Variants in KIF13B observed in about 807,000 individuals in gnomAD.
KIF13B encodes kinesin family member 13B.
Under a neutral mutation model 222.0 loss-of-function variants are expected in KIF13B, and 127 were observed. That is an observed-to-expected ratio of 0.57 (90% CI 0.50 to 0.66). KIF13B has a LOEUF of 0.66. Ranked by LOEUF, KIF13B falls within the 30% of genes least tolerant of loss-of-function variation. The pLI, the probability that KIF13B is intolerant of heterozygous loss-of-function variation, is 0.00. For synonymous variants in KIF13B, 976 were observed against 919.0 expected (o/e 1.06, Z -1.12); for missense variants, 2,173 against 2,379.0 (o/e 0.91, Z 1.80).
intron 37 of KIF13B, among the ~76,000 whole-genome samples, chr8:29,080,196 G>A (rs1807738354): frequency 6.6e-6 from 1 of 151,840 alleles, no homozygotes; most frequent in Non-Finnish European, 1.5e-5. Flanking sequence ...AAATTAGCTG[G>A]GCGTGGTGGT....
At chr8:29,084,461 T>C (rs980915357) in intron 37 of KIF13B, among the ~76,000 whole-genome samples, 1 of 152,206 alleles carries the variant, frequency 6.6e-6, no homozygotes, top group Non-Finnish European at 1.5e-5. Flanking sequence ...GTGCTCTTTC[T>C]ACACAAGCCT....
At chr8:29,074,333 C>G (rs1807454123) in intron 38 of KIF13B, among the ~76,000 whole-genome samples, 1 of 152,236 alleles carries the variant, frequency 6.6e-6, no homozygotes, top group Non-Finnish European at 1.5e-5. Context: ...GGGGGCAGAG[C>G]TGCAGAGTCA....
chr8:29,086,962 C>T (rs1808071611), intron 37 of KIF13B, among the ~76,000 whole-genome samples: 1 of 152,184 alleles, frequency 6.6e-6, no homozygotes, highest in South Asian at 2.1e-4. Context: ...GTTCCGGGTA[C>T]TTGTGTATTT....
chr8:29,074,409 G>A (rs1004740226), intron 38 of KIF13B, among the ~76,000 whole-genome samples: 7 of 152,248 alleles, frequency 4.6e-5, no homozygotes, highest in Non-Finnish European at 8.8e-5. Context: ...CCACTTGACT[G>A]GAGTTGATTT....
chr8:29,100,546 C>T (rs1406156817), intron 35 of KIF13B, among the ~76,000 whole-genome samples: 1 of 152,000 alleles, frequency 6.6e-6, no homozygotes, highest in African/African-American at 2.4e-5. Context: ...TGGGTTCAAG[C>T]GATTCTCCTG....
chr8:29,124,114 A>C lies in KIF13B; in HGVS notation c.3262T>G (p.Leu1088Val). 1 of 1,606,050 alleles carries C rather than the reference A, an allele frequency of 6.2e-7. No homozygotes were observed. The highest frequency in any genetic ancestry group is 8.5e-7 in the Non-Finnish European group (1 of 1,173,198). ...AGCCATTTTCTACGAAGTCTCTCTA[A>C]ATCTCGATCCTGGAAGCAAGCAAGG... ...EDMDSYQDRD[L>V]ERLRRKWLNA... The change falls in exon 27 of 40, where the codon TTA becomes GTA. Residue 1088 changes from leucine (L) to valine (V), a missense_variant. Physicochemically the swap from Leu to Val is conservative, Grantham distance 32 (BLOSUM62 1). Transcript: ENST00000524189.
At chr8:29,086,980 GTGC>G (rs1199701885) in intron 37 of KIF13B, among the ~76,000 whole-genome samples, 1 of 152,192 alleles carries the variant, frequency 6.6e-6, no homozygotes, top group Non-Finnish European at 1.5e-5. Context: ...TTTCTTTAAG[GTGC>G]TGCTAAGTCC....
At chr8:29,185,165 T>G (rs895862248) in intron 6 of KIF13B, among the ~76,000 whole-genome samples, 2 of 151,994 alleles carry the variant, frequency 1.3e-5, no homozygotes, top group Non-Finnish European at 2.9e-5. Flanking sequence ...CAAAGGTGAT[T>G]AATTTACACC....
chr8:29,150,350 T>G lies in KIF13B; in HGVS notation c.1569A>C (p.Pro523=). 1.3e-6 allele frequency: 2 copies of G among 1,593,486 alleles called. No individual in the cohort carries two copies. The highest frequency in any genetic ancestry group is 1.7e-6 in the Non-Finnish European group (2 of 1,163,818). ...TCCTGTCCCCATGGTGTAGCTGTAT[T>G]GGACTGGAGACAGATGACCCATTTA... ...TFVNGSSVSS[P]IQLHHGDRIL... is the part of the protein sequence containing the mutation. Residue 523 remains proline (P), a synonymous_variant, in exon 15 of 40, where the codon CCA becomes CCC. Coordinates refer to ENST00000524189, the MANE Select transcript of KIF13B (RefSeq NM_015254.4).
Position 29,072,046 on chromosome 8 carries a change from C to T in KIF13B, c.4792G>A (p.Ala1598Thr). Residue 1598 changes from alanine (A) to threonine (T), a missense_variant, in exon 39 of 40, where the codon GCC (alanine) becomes ACC (threonine). Around this residue, in one of 2 missense-constraint regions of KIF13B, gnomAD observed 693 missense variants for 656.2 expected, o/e 1.06. Transcript: ENST00000524189. ...GGCGCCTCGGGCTCGGCCTCAGGGG[C>T]GGTGGGCATGGACCCCGGCGGGGCC... The part of the protein sequence containing the change: ...AAAPPGSMPT[A>T]PEAEPEAPIS... 7.7e-7 allele frequency: 1 copy of T among 1,300,268 alleles called. No individual in the cohort carries two copies. The highest frequency in any genetic ancestry group is 9.7e-7 in the Non-Finnish European group (1 of 1,025,870). 80.5% of individuals were successfully genotyped at this position (1,300,268 alleles called of 1,614,324 possible).
At chr8:29,261,807 A>G (rs1333890475) in intron 1 of KIF13B, among the ~76,000 whole-genome samples, 1 of 148,986 alleles carries the variant, frequency 6.7e-6, no homozygotes, top group African/African-American at 2.5e-5. Flanking sequence ...CATAGATGAG[A>G]TAACTCCAAG....
At chr8:29,093,240 T>C (rs1166370069) in intron 36 of KIF13B, among the ~76,000 whole-genome samples, 3 of 152,194 alleles carry the variant, frequency 2.0e-5, no homozygotes, top group African/African-American at 7.2e-5. Flanking sequence ...GACACAGATG[T>C]ATAGCTCTTT....
intron 38 of KIF13B, 36 bp downstream of exon 38, chr8:29,075,245 T>A: frequency 2.0e-6 from 3 of 1,529,990 alleles, no homozygotes; most frequent in Non-Finnish European, 2.7e-6. Flanking sequence ...CTGCTCGCTG[T>A]AGGTGGGGTG....
chr8:29,131,196 G>A (rs1006992426), intron 23 of KIF13B, among the ~76,000 whole-genome samples: 3 of 152,096 alleles, frequency 2.0e-5, no homozygotes, highest in East Asian at 1.9e-4. Flanking sequence ...AAGTGAGCAA[G>A]GGTTGAAAAA....
At chr8:29,180,831 A>G (rs1406315569) in intron 7 of KIF13B, among the ~76,000 whole-genome samples, 1 of 151,856 alleles carries the variant, frequency 6.6e-6, no homozygotes, top group African/African-American at 2.4e-5. Flanking sequence ...TTTTAATGTT[A>G]TAAGCTCTAA....
In KIF13B at chr8:29,070,381, A is replaced by G; in HGVS notation, c.*123T>C. On this transcript the variant is annotated 3_prime_UTR_variant, in exon 40 of 40. Transcript: ENST00000524189. This position sits in a 1 kb window ranked among gnomAD's most constrained non-coding sequence, Gnocchi z 4.1. ...GAGGTCACCAGCCCTGTGTCGTGCA[A>G]AAAGCATTCATCGCCCTGCCCCTGG... is the stretch of plus-strand genomic sequence containing the variant. The G allele has an allele frequency of 9.1e-7, 1 of 1,102,868 alleles. No individual in the cohort carries two copies. Among genetic ancestry groups the G allele is most frequent in the Non-Finnish European group, 1.3e-6 (1 of 769,510 alleles). 68.3% of individuals were successfully genotyped at this position (1,102,868 alleles called of 1,614,324 possible).
chr8:29,085,849 CAAAAAA>C (rs752162185), intron 37 of KIF13B, among the ~76,000 whole-genome samples: 2,560 of 67,352 alleles, frequency 0.038, 67 homozygotes, highest in African/African-American at 0.12. Context: ...GAGCCCGTAA[CAAAAAA>C]AAAAAAAAAA....
At chr8:29,180,077 A>T in intron 8 of KIF13B, 27 bp downstream of exon 8, 1 of 1,611,716 alleles carries the variant, frequency 6.2e-7, no homozygotes, top group African/African-American at 1.3e-5. Flanking sequence ...AGAAATATAA[A>T]AACAGGTCAT....
chr8:29,150,254 C>T (rs986753427), intron 15 of KIF13B, 43 bp downstream of exon 15: 1 of 1,076,028 alleles, frequency 9.3e-7, no homozygotes, highest in African/African-American at 1.6e-5. Context: ...TTTCAGAGCA[C>T]AATCTTCAAC....
Sources: allele counts gnomAD v4.1 joint callset (sites outside exome capture counted in the v4.1 genomes callset), GRCh38; gene constraint gnomAD v4.1.1; regional missense constraint gnomAD v4.1.1; non-coding constraint Gnocchi (gnomAD v3.1); transcripts MANE v1.5; gene names NCBI Gene and HGNC (gene_info 2026-07-23, HGNC 2026-07-21).